The following DRD3 variants were observed in gnomAD, a reference collection of about 807,000 sequenced individuals.
The protein encoded by DRD3 is D(3) dopamine receptor.
A neutral mutation model predicts 36.3 loss-of-function variants in DRD3; 19 were observed. The observed-to-expected ratio is 0.52, with a 90% CI of 0.36 to 0.77. DRD3 has a LOEUF of 0.77. Ranked by LOEUF, DRD3 falls within the 30% of genes least tolerant of loss-of-function variation. The probability of loss-of-function intolerance (pLI) is 0.00; values close to 1 mark genes in which losing one functional copy is unlikely to be tolerated. For missense variants in DRD3, 465 were observed against 505.3 expected (o/e 0.92, Z 0.77); for synonymous variants, 195 against 203.7 (o/e 0.96, Z 0.36).
At chr3:114,167,463 G>A (rs896659857) in intron 2 of DRD3, among the ~76,000 whole-genome samples, 14 of 152,196 alleles carry the variant, frequency 9.2e-5, no homozygotes, top group African/African-American at 3.1e-4. Context: ...GCTGCAAACT[G>A]AATTAAGCAG....
chr3:114,165,435 G>GA (rs555600625), intron 2 of DRD3, among the ~76,000 whole-genome samples: 5 of 147,894 alleles, frequency 3.4e-5, no homozygotes, highest in African/African-American at 5.0e-5. Context: ...CATTTCAAAA[G>GA]AAAAAAAAAG....
chr3:114,180,099 T>C (rs887739910), upstream of DRD3, among the ~76,000 whole-genome samples: 2 of 152,138 alleles, frequency 1.3e-5, no homozygotes, highest in Non-Finnish European at 2.9e-5. Flanking sequence ...CACTATGGTA[T>C]AGTCTTCCAA....
chr3:114,192,973 C>T (rs1472901348), intron 1 of DRD3, among the ~76,000 whole-genome samples: 1 of 152,052 alleles, frequency 6.6e-6, no homozygotes. Context: ...AAAAAAGCGA[C>T]AAAACAAAAC....
chr3:114,157,505 G>T (rs561687255), intron 3 of DRD3, among the ~76,000 whole-genome samples: 1 of 152,120 alleles, frequency 6.6e-6, no homozygotes, highest in East Asian at 1.9e-4. Flanking sequence ...TGCTTTCTCT[G>T]TCACTATGTT....
upstream of DRD3, among the ~76,000 whole-genome samples, chr3:114,180,183 T>A (rs2077938985): frequency 6.6e-6 from 1 of 152,022 alleles, no homozygotes. Flanking sequence ...GTAATAATAA[T>A]ATTAATAATA....
chr3:114,173,117 C>T (rs944824872), intron 1 of DRD3, among the ~76,000 whole-genome samples: 1 of 152,018 alleles, frequency 6.6e-6, no homozygotes, highest in African/African-American at 2.4e-5. Flanking sequence ...ACCCAGAGAG[C>T]TAGCTAATCT....
intron 1 of DRD3, among the ~76,000 whole-genome samples, chr3:114,186,490 A>G (rs2077976466): frequency 6.6e-6 from 1 of 152,190 alleles, no homozygotes; most frequent in Non-Finnish European, 1.5e-5. Flanking sequence ...GGGAGGTGCA[A>G]CAACCGTGGT....
In DRD3 at chr3:114,171,715, C is replaced by A; in HGVS notation, c.270+8G>T. 1 of 1,585,096 alleles carries A rather than the reference C, an allele frequency of 6.3e-7. No individual in the cohort carries two copies. Among genetic ancestry groups the A allele is most frequent in the Non-Finnish European group, 8.6e-7 (1 of 1,165,170 alleles). ...CATAGAGACAACATGCACCTGAAGT[C>A]TACTCACCTCCAGGTATACCACCCA... On this transcript the variant is annotated splice_region_variant and intron_variant, in intron 2 of 6. Transcript: ENST00000383673.
chr3:114,177,402 G>GT (rs1025318013), intron 1 of DRD3, among the ~76,000 whole-genome samples: 13 of 152,106 alleles, frequency 8.5e-5, no homozygotes, highest in Admixed American at 7.2e-4. Flanking sequence ...TAAGATAACA[G>GT]TTTTTTCCCC....
chr3:114,185,853 T>C (rs1382172772), intron 1 of DRD3, among the ~76,000 whole-genome samples: 1 of 152,122 alleles, frequency 6.6e-6, no homozygotes, highest in Non-Finnish European at 1.5e-5. Flanking sequence ...TTTATTTATT[T>C]ATTTATAGAA....
At chr3:114,147,152 A>G (rs1244991188) in intron 4 of DRD3, among the ~76,000 whole-genome samples, 1 of 152,000 alleles carries the variant, frequency 6.6e-6, no homozygotes, top group Non-Finnish European at 1.5e-5. Flanking sequence ...ATACAATGAC[A>G]TTTCTTTCAA....
At chr3:114,137,407 T>C (rs2077483877) in intron 5 of DRD3, among the ~76,000 whole-genome samples, 1 of 152,226 alleles carries the variant, frequency 6.6e-6, no homozygotes, top group African/African-American at 2.4e-5. Flanking sequence ...TTGAATGCAA[T>C]ACTTTCATAT....
chr3:114,161,733 T>A (rs2077735043), intron 2 of DRD3, among the ~76,000 whole-genome samples: 1 of 152,182 alleles, frequency 6.6e-6, no homozygotes, highest in South Asian at 2.1e-4. Flanking sequence ...AGAATTCCGA[T>A]CTAAAGAGTC....
chr3:114,176,769 C>T (rs2077903573), intron 1 of DRD3, among the ~76,000 whole-genome samples: 3 of 152,150 alleles, frequency 2.0e-5, no homozygotes, highest in Admixed American at 2.0e-4. Flanking sequence ...GACTCCTGAC[C>T]ACCAGTCGCC....
At chr3:114,180,349 A>G (rs1483632299), upstream of DRD3, among the ~76,000 whole-genome samples, 15 of 152,172 alleles carry the variant, frequency 9.9e-5, no homozygotes, top group Non-Finnish European at 4.4e-5. Context: ...CTAACCTTAG[A>G]ACATGACTGT....
At chr3:114,151,822 G>A (rs373434238) in intron 3 of DRD3, among the ~76,000 whole-genome samples, 16 of 152,324 alleles carry the variant, frequency 1.1e-4, no homozygotes, top group African/African-American at 3.4e-4. Context: ...CCTCTCGAGG[G>A]CATCGACAGC....
At chr3:114,188,791 C>A (rs1259079479) in intron 1 of DRD3, among the ~76,000 whole-genome samples, 1 of 152,128 alleles carries the variant, frequency 6.6e-6, no homozygotes, top group Non-Finnish European at 1.5e-5. Flanking sequence ...TTAGGACATT[C>A]CTGAGTCATA....
chr3:114,148,372 G>A (rs1434383074), intron 3 of DRD3, among the ~76,000 whole-genome samples: 2 of 152,150 alleles, frequency 1.3e-5, no homozygotes, highest in Non-Finnish European at 2.9e-5. Flanking sequence ...CCTCTAAGTA[G>A]TAGATGTTTT....
At chr3:114,142,658 C>T (rs1350399096) in intron 4 of DRD3, among the ~76,000 whole-genome samples, 1 of 151,926 alleles carries the variant, frequency 6.6e-6, no homozygotes, top group Non-Finnish European at 1.5e-5. Context: ...AGAAGGGAGA[C>T]CTACATATAA....
Sources: allele counts gnomAD v4.1 joint callset (sites outside exome capture counted in the v4.1 genomes callset), GRCh38; gene constraint gnomAD v4.1.1; transcripts MANE v1.5; gene names NCBI Gene and HGNC (gene_info 2026-07-23, HGNC 2026-07-21).